The following PDSS2 variants were observed in gnomAD, a reference collection of about 807,000 sequenced individuals.
The protein encoded by PDSS2 is all trans-polyprenyl-diphosphate synthase PDSS2.
Under a neutral mutation model 44.5 loss-of-function variants are expected in PDSS2, and 31 were observed. The ratio of observed to expected loss-of-function variants is 0.70; its 90% CI spans 0.52 to 0.94. The LOEUF (loss-of-function observed/expected upper bound fraction) is 0.94, where lower values mean the gene tolerates loss of function less well. PDSS2 is among the 40% of genes least tolerant of loss of function. The probability of loss-of-function intolerance (pLI) is 0.00; values close to 1 mark genes in which losing one functional copy is unlikely to be tolerated. For synonymous variants in PDSS2, 157 were observed against 180.3 expected (o/e 0.87, Z 1.03); for missense variants, 452 against 482.2 (o/e 0.94, Z 0.59).
At chr6:107,366,600 TA>T (rs1003813349) in intron 1 of PDSS2, among the ~76,000 whole-genome samples, 20 of 150,826 alleles carry the variant, frequency 1.3e-4, no homozygotes, top group African/African-American at 4.9e-4. Flanking sequence ...ACCAAGAAAA[TA>T]AGAAAGAAGA....
chr6:107,314,836 A>G (rs1390992372), intron 2 of PDSS2, among the ~76,000 whole-genome samples: 2 of 152,254 alleles, frequency 1.3e-5, no homozygotes, highest in Non-Finnish European at 2.9e-5. Context: ...CATATTAACA[A>G]AAGGGAAAAG....
chr6:107,157,167 C>T (rs1197534021), intron 7 of PDSS2, among the ~76,000 whole-genome samples: 1 of 151,910 alleles, frequency 6.6e-6, no homozygotes, highest in African/African-American at 2.4e-5. Flanking sequence ...CTCACTTTTC[C>T]CCCCTTTTCC....
intron 2 of PDSS2, among the ~76,000 whole-genome samples, chr6:107,332,258 C>A (rs1476587939): frequency 6.6e-6 from 1 of 152,034 alleles, no homozygotes; most frequent in Non-Finnish European, 1.5e-5. Context: ...GCACATGCCA[C>A]CATGTCTGGC....
intron 1 of PDSS2, among the ~76,000 whole-genome samples, chr6:107,431,175 G>T (rs1156331456): frequency 6.6e-6 from 1 of 152,214 alleles, no homozygotes; most frequent in Non-Finnish European, 1.5e-5. Context: ...CTGGGCTAAA[G>T]CCAGACCTCT....
At chr6:107,347,075 A>T (rs1778269178) in intron 1 of PDSS2, among the ~76,000 whole-genome samples, 1 of 152,052 alleles carries the variant, frequency 6.6e-6, no homozygotes, top group African/African-American at 2.4e-5. Flanking sequence ...TAAAACAAAA[A>T]CAAAACCTCA....
At chr6:107,336,977 A>C (rs1373812642) in intron 1 of PDSS2, among the ~76,000 whole-genome samples, 1 of 147,264 alleles carries the variant, frequency 6.8e-6, no homozygotes, top group Non-Finnish European at 1.5e-5. Context: ...CACAGATTTA[A>C]CAGCCCTGAC....
chr6:107,330,089 C>A (rs1164622379), intron 2 of PDSS2, among the ~76,000 whole-genome samples: 1 of 151,368 alleles, frequency 6.6e-6, no homozygotes, highest in East Asian at 1.9e-4. Flanking sequence ...ATAGATTTTT[C>A]TTCTCATACA....
intron 7 of PDSS2, among the ~76,000 whole-genome samples, chr6:107,163,429 T>A (rs145159513): frequency 6.6e-6 from 1 of 152,286 alleles, no homozygotes; most frequent in African/African-American, 2.4e-5. Context: ...AGTAATATAA[T>A]CCTTCATGAA....
At chr6:107,398,295 A>G (rs894890031) in intron 1 of PDSS2, among the ~76,000 whole-genome samples, 12 of 152,354 alleles carry the variant, frequency 7.9e-5, no homozygotes, top group Middle Eastern at 3.4e-3. Flanking sequence ...CAGACAGTAA[A>G]GTGTTACAAA....
intron 3 of PDSS2, among the ~76,000 whole-genome samples, chr6:107,257,991 C>T (rs545471696): frequency 6.6e-5 from 10 of 152,246 alleles, no homozygotes; most frequent in Admixed American, 2.0e-4. Flanking sequence ...ATTAACAATA[C>T]TGTTTTAGTA....
chr6:107,437,525 C>CA lies in PDSS2; in HGVS notation c.296+21464dup, dbSNP rs60133518. Among the ~76,000 whole-genome samples the CA allele has an allele frequency of 9.1e-3, 1,157 of 126,676 alleles. 26 individuals carry two copies. The highest frequency in any genetic ancestry group is 0.025 in the African/African-American group (795 of 31,310). 83.1% of individuals were successfully genotyped at this position (126,676 alleles called of 152,430 possible). Reference sequence around the variant, plus strand: ...AGGAGACAGAGTGAGACCCTGTCTCCAAAAAAAAAAAAAAAAAAAAAAAAA... The same window carrying CA: ...AGGAGACAGAGTGAGACCCTGTCTCCAAAAAAAAAAAAAAAAAAAAAAAAAA... On this transcript the variant is annotated intron_variant, in intron 1 of 7. Transcript: ENST00000369037.
At chr6:107,432,783 A>C (rs969920989) in intron 1 of PDSS2, among the ~76,000 whole-genome samples, 1 of 151,870 alleles carries the variant, frequency 6.6e-6, no homozygotes, top group Non-Finnish European at 1.5e-5. Flanking sequence ...AACAAACAAA[A>C]AAAATCCTCT....
chr6:107,341,060 G>T (rs980122086), intron 1 of PDSS2, among the ~76,000 whole-genome samples: 2 of 152,174 alleles, frequency 1.3e-5, no homozygotes, highest in African/African-American at 4.8e-5. Context: ...GCCTAATCCT[G>T]TTACTCTGGC....
intron 1 of PDSS2, among the ~76,000 whole-genome samples, chr6:107,376,863 C>G (rs548225230): frequency 1.2e-3 from 187 of 152,242 alleles, no homozygotes; most frequent in African/African-American, 4.3e-3. Context: ...GGATCCCTTC[C>G]TTACACCTTA....
intron 1 of PDSS2, among the ~76,000 whole-genome samples, chr6:107,341,295 A>C (rs1778071381): frequency 6.6e-6 from 1 of 152,194 alleles, no homozygotes; most frequent in Non-Finnish European, 1.5e-5. Flanking sequence ...AAAGGAATGT[A>C]AGATTCCAAC....
At chr6:107,390,877 C>T (rs1196375018) in intron 1 of PDSS2, among the ~76,000 whole-genome samples, 4 of 152,040 alleles carry the variant, frequency 2.6e-5, no homozygotes, top group Non-Finnish European at 5.9e-5. Flanking sequence ...CTCTTAACAT[C>T]CTTTCAGTGT....
intron 3 of PDSS2, among the ~76,000 whole-genome samples, chr6:107,248,444 A>G (rs1481330911): frequency 6.6e-6 from 1 of 151,602 alleles, no homozygotes; most frequent in African/African-American, 2.4e-5. Context: ...AGGGGAAGAA[A>G]AAAAAAAAAA....
At position 107,291,551 on chromosome 6, in the gene PDSS2, C is replaced by G. The variant is rs1425489733; in HGVS notation, c.432-17324G>C. Among the ~76,000 whole-genome samples the G allele has an allele frequency of 1.5e-3, 221 of 144,168 alleles. 1 individual carries two copies. Among genetic ancestry groups the G allele is most frequent in the African/African-American group, 5.3e-3 (210 of 39,406 alleles). The allele number at this position is 144,168 out of a possible 152,430, so 94.6% of individuals were successfully genotyped here. ...TTTTTTTTTTTTTTTTAAGTAGAGACGGGGGGGTCTCACTATGTTGCCCAG... is the reference window on the plus strand; with the variant it reads ...TTTTTTTTTTTTTTTTAAGTAGAGAGGGGGGGGTCTCACTATGTTGCCCAG... On this transcript the variant is annotated intron_variant, in intron 2 of 7. Transcript: ENST00000369037.
At chr6:107,288,546 TA>T (rs1478020925) in intron 2 of PDSS2, among the ~76,000 whole-genome samples, 4 of 152,102 alleles carry the variant, frequency 2.6e-5, no homozygotes, top group Non-Finnish European at 5.9e-5. Context: ...TTTGGACGTT[TA>T]AACAGATTTA....
Sources: gnomAD v4.1 joint callset for allele counts (sites outside exome capture counted in the v4.1 genomes callset) on GRCh38, gnomAD v4.1.1 for gene constraint, MANE v1.5 for transcripts, NCBI Gene and HGNC (gene_info 2026-07-23, HGNC 2026-07-21) for gene names.